HYAL3: variants seen among roughly 807,000 people sequenced by gnomAD.
The protein encoded by HYAL3 is hyaluronidase-3.
Under a neutral mutation model 29.6 loss-of-function variants are expected in HYAL3, and 25 were observed. The ratio of observed to expected loss-of-function variants is 0.85; its 90% confidence interval spans 0.62 to 1.18. HYAL3 has a LOEUF of 1.18. HYAL3 is among the 50% of genes most tolerant of loss of function. HYAL3 has a pLI of 0.00. For synonymous variants in HYAL3, 215 were observed against 218.3 expected (o/e 0.99, Z 0.13); for missense variants, 442 against 548.4 (o/e 0.81, Z 1.94).
At position 50,299,278 on chromosome 3, in the gene HYAL3, C is replaced by T. The variant is rs972603059; in HGVS notation, c.-83G>A. ...CGCACAGCTGGGTATCTCACTCAGTCGCCACCTCGGACTCCTCGGTCCGAC... is the reference window on the plus strand; with the variant it reads ...CGCACAGCTGGGTATCTCACTCAGTTGCCACCTCGGACTCCTCGGTCCGAC... On this transcript the variant is annotated 5_prime_UTR_variant, in exon 1 of 4. Transcript: ENST00000336307. 1.2e-6 allele frequency: 2 copies of T among 1,613,516 alleles called. No individual in the cohort carries two copies. The highest frequency in any genetic ancestry group is 1.7e-6 in the Non-Finnish European group (2 of 1,179,934).
intron 1 of HYAL3, among the ~76,000 whole-genome samples, chr3:50,298,321 C>CGGA (rs1216763783): frequency 1.3e-5 from 2 of 152,122 alleles, no homozygotes; most frequent in African/African-American, 4.8e-5. Flanking sequence ...TCTTGACTGC[C>CGGA]TTCCCCACCT....
rs1182492005 is a variant in HYAL3, at chr3:50,297,624, C to T, written c.-18+1589G>A. 14 of 1,467,856 alleles carry T rather than the reference C, an allele frequency of 9.5e-6. No individual in the cohort carries two copies. The highest frequency in any genetic ancestry group is 2.4e-4 in the Middle Eastern group (1 of 4,212). 90.9% of individuals were successfully genotyped at this position (1,467,856 alleles called of 1,614,324 possible). ...CTCAGTGCCAGGCTGGAGGTTAAGA[C>T]CCCAGTCTCCAGGCAGTAGCATCTC... is the stretch of plus-strand genomic sequence containing the variant. On this transcript the variant is annotated intron_variant, in intron 1 of 3. Coordinates refer to ENST00000336307, the MANE Select transcript of HYAL3 (RefSeq NM_003549.4). The surrounding 1 kb of genome is among the most constrained non-coding windows in gnomAD (Gnocchi z 4.3).
In HYAL3 at chr3:50,293,350, C is replaced by T; in HGVS notation, c.1150G>A (p.Asp384Asn). The T allele has an allele frequency of 6.2e-7, 1 of 1,613,484 alleles. No individual in the cohort carries two copies. The highest frequency in any genetic ancestry group is 8.5e-7 in the Non-Finnish European group (1 of 1,180,048). ...GACTTCCAATCTCCAAGGCTGCCGT[C>T]TGGCCACAGGTGTAGAAAGGCTTCC... ...QMEAFLHLWP[D>N]GSLGDWKSFS... is the part of the protein sequence containing the mutation. Residue 384 changes from aspartate to asparagine, a missense_variant, in exon 4 of 4, where the codon GAC becomes AAC. Coordinates refer to ENST00000336307, the MANE Select transcript of HYAL3 (RefSeq NM_003549.4).
Position 50,292,957 on chromosome 3 carries a change from T to C in HYAL3, c.*289A>G, listed in dbSNP as rs1701715876. The C allele has an allele frequency of 7.1e-6, 11 of 1,540,170 alleles. No individual in the cohort carries two copies. The highest frequency in any genetic ancestry group is 9.6e-6 in the Non-Finnish European group (11 of 1,142,946). ...GCCCATCTGTGACCTCTCCATGGGC[T>C]TAGTGAGGTGTAGGCACAAAGCCCT... On this transcript the variant is annotated 3_prime_UTR_variant, in exon 4 of 4. Transcript: ENST00000336307.
rs1440603729 is a variant in HYAL3, at chr3:50,292,876, C to T, written c.*370G>A. 2.7e-6 allele frequency: 4 copies of T among 1,491,536 alleles called. No individual in the cohort carries two copies. Among genetic ancestry groups the T allele is most frequent in the Non-Finnish European group, 2.7e-6 (3 of 1,111,948 alleles). The allele number at this position is 1,491,536 out of a possible 1,614,324, so 92.4% of individuals were successfully genotyped here. ...TATGATGAAAGAGTGCAGACAACAG[C>T]TTAGCACTTTACCGACCTTCGCCAA... On this transcript the variant is annotated 3_prime_UTR_variant, in exon 4 of 4. Coordinates refer to ENST00000336307, the MANE Select transcript of HYAL3 (RefSeq NM_003549.4).
rs1701746342 is a variant in HYAL3, at chr3:50,293,723, T to C, written c.895-2A>G. ...ACCAATGGACTGCACAAGGTCATCCTGGAGGCAGAGAGCTGCTAAGCCAGT... is the reference window on the plus strand; with the variant it reads ...ACCAATGGACTGCACAAGGTCATCCCGGAGGCAGAGAGCTGCTAAGCCAGT... On this transcript the variant is annotated splice_acceptor_variant, in intron 2 of 3. Transcript: ENST00000336307. LOFTEE classifies it high-confidence loss of function. 6.2e-7 allele frequency: 1 copy of C among 1,613,418 alleles called. No homozygotes were observed. Among genetic ancestry groups the C allele is most frequent in the Admixed American group, 1.7e-5 (1 of 59,996 alleles).
At position 50,297,033 on chromosome 3, in the gene HYAL3, G is replaced by A; in HGVS notation, c.-17-1414C>T. On this transcript the variant is annotated intron_variant, in intron 1 of 3. Coordinates refer to ENST00000336307, the MANE Select transcript of HYAL3 (RefSeq NM_003549.4). The surrounding 1 kb of genome is among the most constrained non-coding windows in gnomAD (Gnocchi z 4.3). ...AAAGCCACGGCCCCTCAGGGCCCGG[G>A]CCACCACCACTGTCTCCACTAAGAG... The A allele has an allele frequency of 6.5e-7, 1 of 1,540,142 alleles. No individual in the cohort carries two copies. The highest frequency in any genetic ancestry group is 1.3e-5 in the South Asian group (1 of 78,772).
rs1000264872 is a variant in HYAL3 at position 50,298,681 on chromosome 3, C to T, written c.-18+532G>A. 7.9e-6 allele frequency: 7 copies of T among 880,646 alleles called. No individual in the cohort carries two copies. The South Asian group carries it at 3.3e-4, about 41-fold the overall frequency. The allele number at this position is 880,646 out of a possible 1,614,324, so 54.6% of individuals were successfully genotyped here. ...TCGTGGGCGGGCAGCTGAGCCCCCT[C>T]CTTCTACTCACCTGCTCCAGAGGGG... On this transcript the variant is annotated intron_variant, in intron 1 of 3. Coordinates refer to ENST00000336307, the MANE Select transcript of HYAL3 (RefSeq NM_003549.4).
At chr3:50,293,598 T>A in intron 3 of HYAL3, 34 bp downstream of exon 3, 1 of 1,613,366 alleles carries the variant, frequency 6.2e-7, no homozygotes, top group Non-Finnish European at 8.5e-7. Flanking sequence ...CCCCAGCATG[T>A]GCTACATGGC....
rs1553711887 is a variant in HYAL3 at position 50,299,199 on chromosome 3, GGTGCGGTACTGACA to G, written c.-18_-18+13del. On this transcript the variant is annotated splice_donor_variant and splice_donor_5th_base_variant and 5_prime_UTR_variant and intron_variant, in exon 1 of 4. Transcript: ENST00000336307. LOFTEE classifies it low-confidence loss of function (5UTR_SPLICE). ...GGACCTACAGGCAGCAAATGGGAAGGGTGCGGTACTGACATGTTGATGCTGGCCTCTGGGATGTT... is the reference window on the plus strand; with the variant it reads ...GGACCTACAGGCAGCAAATGGGAAGGTGTTGATGCTGGCCTCTGGGATGTT... 6.2e-7 allele frequency: 1 copy of G among 1,614,190 alleles called. No homozygotes were observed. The highest frequency in any genetic ancestry group is 1.7e-5 in the Admixed American group (1 of 60,032).
At chr3:50,296,598 T>C in intron 1 of HYAL3, 1 of 1,613,610 alleles carries the variant, frequency 6.2e-7, no homozygotes, top group Non-Finnish European at 8.5e-7. Flanking sequence ...TTGCCCTGGA[T>C]GGCCTCAGAT....
intron 1 of HYAL3, 166 bp from the exon 2 acceptor site, chr3:50,295,785 A>G (rs1029791759): frequency 5.1e-6 from 2 of 388,970 alleles, no homozygotes; most frequent in African/African-American, 4.5e-5. Flanking sequence ...AAGCAGCCAC[A>G]CCGCAAGCTG....
Position 50,295,547 on chromosome 3 carries a change from C to T in HYAL3, c.56G>A (p.Cys19Tyr). The T allele has an allele frequency of 6.3e-7, 1 of 1,584,486 alleles. No individual in the cohort carries two copies. The highest frequency in any genetic ancestry group is 8.6e-7 in the Non-Finnish European group (1 of 1,162,564). Residue 19 changes from cysteine to tyrosine, a missense_variant, in exon 2 of 4, where the codon TGT becomes TAT. By Grantham distance (194) the Cys-to-Tyr change is radical. Transcript: ENST00000336307. ...AGGGACCTGTGGTAGGGGCTGGCCACAACCCAGGCACAGGGCCACCCCCAG... is the reference window on the plus strand; with the variant it reads ...AGGGACCTGTGGTAGGGGCTGGCCATAACCCAGGCACAGGGCCACCCCCAG... ...LVLGVALCLG[C>Y]GQPLPQVPER...
rs1702019193 is a variant in HYAL3 at position 50,299,308 on chromosome 3, T to C, written c.-113A>G. ...CCTCGGACTCCTCGGTCCGACAACG[T>C]TGGCCCCCAGCGGTGCGGCGGATGT... is the stretch of plus-strand genomic sequence containing the variant. On this transcript the variant is annotated 5_prime_UTR_variant, in exon 1 of 4. Coordinates refer to ENST00000336307, the MANE Select transcript of HYAL3 (RefSeq NM_003549.4). The C allele has an allele frequency of 1.2e-6, 2 of 1,609,570 alleles. No individual in the cohort carries two copies. Among genetic ancestry groups the C allele is most frequent in the African/African-American group, 1.3e-5 (1 of 74,972 alleles).
intron 1 of HYAL3, chr3:50,296,543 C>G (rs1701845837): frequency 6.4e-7 from 1 of 1,568,528 alleles, no homozygotes; most frequent in East Asian, 2.2e-5. Context: ...TGGGCTGAGG[C>G]TTGTAGACTG....
rs1553711927 is a variant in HYAL3 at position 50,299,320 on chromosome 3, G to C, written c.-125C>G. Reference sequence around the variant, plus strand: ...CGGTCCGACAACGTTGGCCCCCAGCGGTGCGGCGGATGTTCTGCAGCCGTC... The same window carrying C: ...CGGTCCGACAACGTTGGCCCCCAGCCGTGCGGCGGATGTTCTGCAGCCGTC... On this transcript the variant is annotated 5_prime_UTR_variant, in exon 1 of 4. Transcript: ENST00000336307. 1 of 1,602,004 alleles carries C rather than the reference G, an allele frequency of 6.2e-7. No homozygotes were observed. Among genetic ancestry groups the C allele is most frequent in the Non-Finnish European group, 8.5e-7 (1 of 1,175,890 alleles).
chr3:50,295,132 G>T lies in HYAL3; in HGVS notation c.471C>A (p.Phe157Leu). ...AASWAWAQQV[F>L]PDLDPQEQLY... The stretch of plus-strand genomic sequence containing the variant: ...GCTGCTCCTGAGGGTCCAGGTCAGG[G>T]AATACCTGCTGTGCCCAAGCCCAAG... Residue 157 changes from phenylalanine to leucine, a missense_variant, in exon 2 of 4, where the codon TTC (phenylalanine) becomes TTA (leucine). By Grantham distance (22) the Phe-to-Leu change is conservative. Transcript: ENST00000336307. The T allele has an allele frequency of 6.2e-7, 1 of 1,613,590 alleles. No homozygotes were observed. Among genetic ancestry groups the T allele is most frequent in the Non-Finnish European group, 8.5e-7 (1 of 1,180,038 alleles).
In HYAL3 at chr3:50,293,295, G is replaced by A; in HGVS notation, c.1205C>T (p.Ala402Val). 6.2e-7 allele frequency: 1 copy of A among 1,613,254 alleles called. No individual in the cohort carries two copies. Among genetic ancestry groups the A allele is most frequent in the Non-Finnish European group, 8.5e-7 (1 of 1,179,992 alleles). Reference protein sequence around the residue: ...SFSCHCYWGWAGPTCQEPRPG... With the variant: ...SFSCHCYWGWVGPTCQEPRPG... ...CCTGGGCTCCTGGCAGGTGGGGCCA[G>A]CCCAGCCCCAGTAACAGTGGCAGCT... Residue 402 changes from alanine to valine, a missense_variant, in exon 4 of 4, where the codon GCT becomes GTT. Ala to Val is a moderately conservative substitution (Grantham distance 64). Coordinates refer to ENST00000336307, the MANE Select transcript of HYAL3 (RefSeq NM_003549.4).
At chr3:50,293,565 C>G (rs782595846) in intron 3 of HYAL3, 50 bp from the exon 4 acceptor site, 1 of 1,611,804 alleles carries the variant, frequency 6.2e-7, no homozygotes, top group South Asian at 1.1e-5. Flanking sequence ...ATAATCTTGA[C>G]ATGGCCGTCC....
Sources: allele counts gnomAD v4.1 joint callset (sites outside exome capture counted in the v4.1 genomes callset), GRCh38; gene constraint gnomAD v4.1.1; non-coding constraint Gnocchi (gnomAD v3.1); transcripts MANE v1.5; gene names NCBI Gene and HGNC (gene_info 2026-07-23, HGNC 2026-07-21).